MYOZ2: variants seen among roughly 807,000 people sequenced by gnomAD.
MYOZ2 encodes myozenin-2.
In MYOZ2, 19 loss-of-function variants were observed where a neutral mutation model predicts 25.4. That is an observed-to-expected ratio of 0.75 (90% CI 0.52 to 1.10). MYOZ2 has a LOEUF of 1.10. Ranked by LOEUF, MYOZ2 falls within the 50% of genes least tolerant of loss-of-function variation. MYOZ2 has a pLI of 0.00. For synonymous variants in MYOZ2, 92 were observed against 106.9 expected, an observed-to-expected ratio of 0.86 and a Z score of 0.86; for missense variants, 270 against 317.9, an observed-to-expected ratio of 0.85 and a Z score of 1.15.
At chr4:119,151,743 G>A (rs1045088931) in intron 3 of MYOZ2, among the ~76,000 whole-genome samples, 10 of 152,090 alleles carry the variant, frequency 6.6e-5, no homozygotes, top group Non-Finnish European at 1.0e-4. Flanking sequence ...AATGGCTGGC[G>A]TGAAGAATCA....
chr4:119,169,611 T>C (rs62326339), intron 5 of MYOZ2, among the ~76,000 whole-genome samples: 35,947 of 152,144 alleles, frequency 0.24, 4,325 homozygotes, highest in Middle Eastern at 0.28. Flanking sequence ...ACCACGTTTC[T>C]CCTTGAGGCA....
intron 5 of MYOZ2, among the ~76,000 whole-genome samples, chr4:119,176,036 A>T (rs1742066083): frequency 6.6e-6 from 1 of 152,136 alleles, no homozygotes; most frequent in Admixed American, 6.6e-5. Flanking sequence ...CACTCAGGAC[A>T]TTCTTCTCTT....
intron 5 of MYOZ2, among the ~76,000 whole-genome samples, chr4:119,181,494 C>T (rs1742184248): frequency 6.6e-6 from 1 of 152,112 alleles, no homozygotes; most frequent in Non-Finnish European, 1.5e-5. Context: ...AATAACATAA[C>T]ATTTTATTGT....
chr4:119,174,753 C>A (rs2149228153), intron 5 of MYOZ2, among the ~76,000 whole-genome samples: 1 of 152,216 alleles, frequency 6.6e-6, no homozygotes, highest in Non-Finnish European at 1.5e-5. Context: ...CCGCTCGGGT[C>A]CCCTTCCACA....
At position 119,150,945 on chromosome 4, in the gene MYOZ2, C is replaced by G. The variant is rs750398714; in HGVS notation, c.150C>G (p.Leu50=). ...RDIMLEELSH[L]SNRGARLFKM... Reference sequence around the variant, plus strand: ...TCATGTTGGAAGAATTATCCCATCTCAGTAACCGTGGTGCCAGGCTATTTA... The same window carrying G: ...TCATGTTGGAAGAATTATCCCATCTGAGTAACCGTGGTGCCAGGCTATTTA... The change falls in exon 3 of 6, where the codon CTC becomes CTG. Residue 50 remains leucine (L), a synonymous_variant. Coordinates refer to ENST00000307128, the MANE Select transcript of MYOZ2 (RefSeq NM_016599.5). 1 of 1,613,628 alleles carries G rather than the reference C, an allele frequency of 6.2e-7. No individual in the cohort carries two copies. Among genetic ancestry groups the G allele is most frequent in the East Asian group, 2.2e-5 (1 of 44,860 alleles).
chr4:119,164,373 C>G lies in MYOZ2; in HGVS notation c.539C>G (p.Pro180Arg). 1 of 1,613,980 alleles carries G rather than the reference C, an allele frequency of 6.2e-7. No homozygotes were observed. Among genetic ancestry groups the G allele is most frequent in the African/African-American group, 1.3e-5 (1 of 75,014 alleles). ...AAGCCTGAAGGAAAGGCAGAACTGC[C>G]TGATTACAGGAGCTTTAACAGGTAA... ...LFKPEGKAEL[P>R]DYRSFNRVAT... The change falls in exon 5 of 6, where the codon CCT (proline) becomes CGT (arginine). Residue 180 changes from proline to arginine, a missense_variant. Transcript: ENST00000307128.
rs376901669 is a variant in MYOZ2 at position 119,136,536 on chromosome 4, A to T, written c.11A>T (p.His4Leu). The change falls in exon 2 of 6, where the codon CAT becomes CTT. Residue 4 changes from histidine (H) to leucine (L), a missense_variant. By Grantham distance (99) the His-to-Leu change is moderately conservative (BLOSUM62 -3). Coordinates refer to ENST00000307128, the MANE Select transcript of MYOZ2 (RefSeq NM_016599.5). ...GGGAACAAAAAAACCATGCTATCAC[A>T]TAATACTATGATGAAGCAGAGAAAA... MLSHNTMMKQRKQQ... is the reference protein window; with the variant it reads MLSLNTMMKQRKQQ... 2.0e-5 allele frequency: 32 copies of T among 1,613,464 alleles called. No individual in the cohort carries two copies. The highest frequency in any genetic ancestry group is 2.7e-5 in the African/African-American group (2 of 74,922).
At chr4:119,179,202 T>C (rs1742139060) in intron 5 of MYOZ2, among the ~76,000 whole-genome samples, 3 of 152,210 alleles carry the variant, frequency 2.0e-5, no homozygotes, top group Admixed American at 6.5e-5. Flanking sequence ...TTGCAAGGCT[T>C]TCCTCAAGCT....
At position 119,159,797 on chromosome 4, in the gene MYOZ2, T is replaced by C. The variant is rs909049959; in HGVS notation, c.376+1646T>C. Among the ~76,000 whole-genome samples the C allele has an allele frequency of 6.6e-5, 10 of 152,232 alleles. No individual in the cohort carries two copies. In the South Asian group the frequency reaches 1.7e-3, roughly 25 times the overall value. Reference sequence around the variant, plus strand: ...TTAAATATTATTTAAAAATAAGGTATTAGAGCATTCTTAATGAGCACGATG... The same window carrying C: ...TTAAATATTATTTAAAAATAAGGTACTAGAGCATTCTTAATGAGCACGATG... On this transcript the variant is annotated intron_variant, in intron 4 of 5. Transcript: ENST00000307128.
intron 5 of MYOZ2, among the ~76,000 whole-genome samples, chr4:119,165,005 AAT>A (rs1741790708): frequency 6.6e-6 from 1 of 151,302 alleles, no homozygotes; most frequent in Non-Finnish European, 1.5e-5. Flanking sequence ...TTGAATTTTT[AAT>A]AGTCTCATAA....
chr4:119,183,361 T>C (rs1742226141), intron 5 of MYOZ2, among the ~76,000 whole-genome samples: 1 of 151,538 alleles, frequency 6.6e-6, no homozygotes, highest in East Asian at 1.9e-4. Flanking sequence ...AAGTATGAAT[T>C]AGGGCTTAAA....
At chr4:119,151,306 G>A (rs1003153593) in intron 3 of MYOZ2, among the ~76,000 whole-genome samples, 3 of 152,160 alleles carry the variant, frequency 2.0e-5, no homozygotes, top group African/African-American at 7.2e-5. Context: ...TAAGAGGAGG[G>A]AGAGGGAGTG....
chr4:119,164,448 A>T (rs557915548), intron 5 of MYOZ2, 54 bp downstream of exon 5: 125 of 1,574,058 alleles, frequency 7.9e-5, no homozygotes, highest in Non-Finnish European at 9.0e-5. Flanking sequence ...AAATTTTTTC[A>T]TCATGGTACA....
At position 119,186,391 on chromosome 4, in the gene MYOZ2, A is replaced by C. The variant is rs1426712148; in HGVS notation, c.*191A>C. 1.7e-6 allele frequency: 1 copy of C among 579,806 alleles called. No homozygotes were observed. Among genetic ancestry groups the C allele is most frequent in the Non-Finnish European group, 3.0e-6 (1 of 332,526 alleles). 35.9% of individuals were successfully genotyped at this position (579,806 alleles called of 1,614,324 possible). On this transcript the variant is annotated 3_prime_UTR_variant, in exon 6 of 6. Coordinates refer to ENST00000307128, the MANE Select transcript of MYOZ2 (RefSeq NM_016599.5). Reference sequence around the variant, plus strand: ...ACAATTAGAAATCTTACTTTAAAAAACTTATAACTCACTTGTCTTCATTCA... The same window carrying C: ...ACAATTAGAAATCTTACTTTAAAAACCTTATAACTCACTTGTCTTCATTCA...
chr4:119,145,096 A>G (rs1456857694), intron 2 of MYOZ2, among the ~76,000 whole-genome samples: 1 of 152,118 alleles, frequency 6.6e-6, no homozygotes, highest in Non-Finnish European at 1.5e-5. Context: ...CTAGCTCTAG[A>G]TCTCAAAGAT....
At chr4:119,175,634 C>T (rs951309552) in intron 5 of MYOZ2, among the ~76,000 whole-genome samples, 1 of 151,928 alleles carries the variant, frequency 6.6e-6, no homozygotes, top group Non-Finnish European at 1.5e-5. Context: ...CGTCTGTAAT[C>T]CTAGCTACTT....
intron 3 of MYOZ2, among the ~76,000 whole-genome samples, chr4:119,155,570 G>A (rs1428484545): frequency 6.6e-6 from 1 of 152,138 alleles, no homozygotes; most frequent in Non-Finnish European, 1.5e-5. Context: ...CAAAGCAGGT[G>A]AAACAGCTTG....
At chr4:119,163,423 AAGT>A (rs1164871772) in intron 4 of MYOZ2, among the ~76,000 whole-genome samples, 1 of 152,190 alleles carries the variant, frequency 6.6e-6, no homozygotes, top group Non-Finnish European at 1.5e-5. Flanking sequence ...TGTAAACAGA[AAGT>A]AGATAACTGT....
At chr4:119,184,087 T>A (rs183366337) in intron 5 of MYOZ2, among the ~76,000 whole-genome samples, 161 of 152,278 alleles carry the variant, frequency 1.1e-3, no homozygotes, top group African/African-American at 3.6e-3. Context: ...AGTGCTGGGA[T>A]TACAGGTGCG....
Sources: allele counts gnomAD v4.1 joint callset (sites outside exome capture counted in the v4.1 genomes callset), GRCh38; gene constraint gnomAD v4.1.1; transcripts MANE v1.5; gene names NCBI Gene and HGNC (gene_info 2026-07-23, HGNC 2026-07-21).